The following PRTG variants were observed in gnomAD, a reference collection of about 807,000 sequenced individuals.
PRTG encodes the protein protogenin, also known as immunoglobulin superfamily, DCC subclass, member 5.
PRTG carries 67 observed loss-of-function variants against 122.5 expected under a neutral mutation model. That is an observed-to-expected ratio of 0.55 (90% confidence interval 0.45 to 0.67). The LOEUF is 0.67. Ranked by LOEUF, PRTG falls within the 30% of genes least tolerant of loss-of-function variation. PRTG has a pLI of 0.00. For synonymous variants in PRTG, 554 were observed against 501.1 expected (o/e 1.11, Z -1.41); for missense variants, 1,435 against 1,415.4 (o/e 1.01, Z -0.22).
chr15:55,612,098 CCTCTA>C lies in PRTG; in HGVS notation c.*7909_*7913del, dbSNP rs1037286333. The stretch of plus-strand genomic sequence containing the variant: ...GCAGACACATTTTCTTAACATATGT[CCTCTA>C]CTCTACTGATAGGCTAAGGCAATGT... On this transcript the variant is annotated 3_prime_UTR_variant, in exon 20 of 20. Transcript: ENST00000389286. 1 of 151,940 alleles carries C rather than the reference CCTCTA, an allele frequency of 6.6e-6. No individual in the cohort carries two copies. Among genetic ancestry groups the C allele is most frequent in the African/African-American group, 2.4e-5 (1 of 41,400 alleles). 9.4% of individuals were successfully genotyped at this position (151,940 alleles called of 1,614,324 possible).
At chr15:55,692,322 A>G (rs1279854969) in intron 2 of PRTG, among the ~76,000 whole-genome samples, 1 of 152,162 alleles carries the variant, frequency 6.6e-6, no homozygotes, top group East Asian at 1.9e-4. Flanking sequence ...GAGATCTGCT[A>G]TGGGTTTTAA....
chr15:55,708,744 T>C (rs550709981), intron 2 of PRTG, among the ~76,000 whole-genome samples: 1 of 152,314 alleles, frequency 6.6e-6, no homozygotes, highest in South Asian at 2.1e-4. Flanking sequence ...ACTATACTAC[T>C]AAACAGGCTT....
At position 55,615,900 on chromosome 15, in the gene PRTG, C is replaced by G. The variant is rs1437595638; in HGVS notation, c.*4112G>C. ...CGATCTGAATTGTTTTCAAAGGTGT[C>G]TGCATAAGAACTTGAACAATGATCC... On this transcript the variant is annotated 3_prime_UTR_variant, in exon 20 of 20. Coordinates refer to ENST00000389286, the MANE Select transcript of PRTG (RefSeq NM_173814.6). 6.6e-6 allele frequency: 1 copy of G among 152,092 alleles called. No homozygotes were observed. Among genetic ancestry groups the G allele is most frequent in the East Asian group, 1.9e-4 (1 of 5,196 alleles). 9.4% of individuals were successfully genotyped at this position (152,092 alleles called of 1,614,324 possible).
chr15:55,691,776 C>T (rs2059603959), intron 2 of PRTG, among the ~76,000 whole-genome samples: 2 of 151,580 alleles, frequency 1.3e-5, no homozygotes, highest in South Asian at 4.2e-4. Flanking sequence ...AAAACTATGG[C>T]TCTCATCTCA....
rs2059125551 is a variant in PRTG, at chr15:55,612,697, A to ATATATATATATATATATATATATATGT, written c.*7314_*7315insACATATATATATATATATATATATATA. ...TTCTCTCTTTAACTCTTTAAAAGCC[A>ATATATATATATATATATATATATATGT]ATATATATATATATATATATATATA... On this transcript the variant is annotated 3_prime_UTR_variant, in exon 20 of 20. Coordinates refer to ENST00000389286, the MANE Select transcript of PRTG (RefSeq NM_173814.6). 5.8e-5 allele frequency: 7 copies of ATATATATATATATATATATATATATGT among 120,756 alleles called. No homozygotes were observed. The highest frequency in any genetic ancestry group is 3.3e-4 in the African/African-American group (7 of 21,396). 7.5% of individuals were successfully genotyped at this position (120,756 alleles called of 1,614,324 possible).
chr15:55,732,194 G>C (rs1408962567), intron 2 of PRTG, among the ~76,000 whole-genome samples: 1 of 152,072 alleles, frequency 6.6e-6, no homozygotes, highest in Non-Finnish European at 1.5e-5. Context: ...AGATTTGTTT[G>C]TTTTTGTTTT....
chr15:55,665,597 G>C (rs2059435368), intron 11 of PRTG, among the ~76,000 whole-genome samples: 1 of 149,500 alleles, frequency 6.7e-6, no homozygotes, highest in South Asian at 2.1e-4. Context: ...CCAGGTTGGA[G>C]TGCAGTGGCA....
In PRTG at chr15:55,743,137, C is replaced by T. The variant is rs1418597743; in HGVS notation, c.-206G>A. 9 of 1,248,552 alleles carry T rather than the reference C, an allele frequency of 7.2e-6. No homozygotes were observed. In the Admixed American group the frequency reaches 3.5e-4, roughly 48 times the overall value. 77.3% of individuals were successfully genotyped at this position (1,248,552 alleles called of 1,614,324 possible). A position where few individuals can be genotyped will look rare whatever the true frequency, so the allele number is the denominator to read the frequency against. ...GCGAGAAGCAAGGGGCCTGAGAGTC[C>T]GGCTGGGGGCGGAGTGAGGCGGCGG... On this transcript the variant is annotated 5_prime_UTR_variant, in exon 1 of 20. Coordinates refer to ENST00000389286, the MANE Select transcript of PRTG (RefSeq NM_173814.6).
chr15:55,709,674 T>A (rs958778134), intron 2 of PRTG, among the ~76,000 whole-genome samples: 2 of 152,180 alleles, frequency 1.3e-5, no homozygotes, highest in African/African-American at 4.8e-5. Context: ...ATCAGTGGTA[T>A]ATCCATTCAA....
At chr15:55,681,348 T>C (rs1464545554) in intron 4 of PRTG, 1 of 152,102 alleles carries the variant, frequency 6.6e-6, no homozygotes, top group Non-Finnish European at 1.5e-5. Flanking sequence ...CCAGTATCTC[T>C]TGTGAAGAAT....
chr15:55,650,709 A>C (rs376271837), intron 11 of PRTG, among the ~76,000 whole-genome samples: 2 of 152,258 alleles, frequency 1.3e-5, no homozygotes, highest in South Asian at 2.1e-4. Flanking sequence ...TCATGCTTGT[A>C]ATCCCAGCAC....
chr15:55,729,214 C>T (rs750975112), intron 2 of PRTG, among the ~76,000 whole-genome samples: 5 of 152,268 alleles, frequency 3.3e-5, no homozygotes, highest in African/African-American at 4.8e-5. Flanking sequence ...TACTGATACA[C>T]GCCACAACGT....
At chr15:55,667,569 G>A (rs1220213688) in intron 11 of PRTG, among the ~76,000 whole-genome samples, 3 of 151,920 alleles carry the variant, frequency 2.0e-5, no homozygotes, top group African/African-American at 7.3e-5. Context: ...ACATATTTTG[G>A]CATAATAATA....
At chr15:55,672,147 C>A (rs2059475587) in intron 11 of PRTG, among the ~76,000 whole-genome samples, 1 of 152,132 alleles carries the variant, frequency 6.6e-6, no homozygotes, top group African/African-American at 2.4e-5. Flanking sequence ...CACACACTCA[C>A]AATAATTGAT....
intron 15 of PRTG, among the ~76,000 whole-genome samples, chr15:55,630,249 G>A (rs897311889): frequency 6.6e-6 from 1 of 152,126 alleles, no homozygotes; most frequent in African/African-American, 2.4e-5. Context: ...GCCTCCCAAA[G>A]TGATGGGATT....
At position 55,677,879 on chromosome 15, in the gene PRTG, T is replaced by C; in HGVS notation, c.1299A>G (p.Ser433=). 5 of 1,613,012 alleles carry C rather than the reference T, an allele frequency of 3.1e-6. No homozygotes were observed. In the South Asian group the frequency reaches 4.4e-5, roughly 14 times the overall value. ...GCCTCTCCCAGGCTAAAAGAATGGC[T>C]GAGCTTGACATGGTTTCAGCATGTA... ...YNVHAETMSS[S]AILLAWERPL... is the part of the protein sequence containing the mutation. Residue 433 remains serine, a synonymous_variant, in exon 8 of 20, where the codon TCA becomes TCG. Transcript: ENST00000389286.
chr15:55,709,382 T>C (rs1210130170), intron 2 of PRTG, among the ~76,000 whole-genome samples: 2 of 147,246 alleles, frequency 1.4e-5, no homozygotes, highest in African/African-American at 2.5e-5. Context: ...ATACAATATA[T>C]ATATATAGAG....
chr15:55,624,238 T>A, intron 18 of PRTG, 104 bp downstream of exon 18: 1 of 917,244 alleles, frequency 1.1e-6, no homozygotes, highest in Non-Finnish European at 1.7e-6. Context: ...ATAAGAGTAT[T>A]GGTATAATAC....
intron 2 of PRTG, among the ~76,000 whole-genome samples, chr15:55,711,214 G>A (rs987989111): frequency 7.3e-5 from 11 of 151,598 alleles, no homozygotes; most frequent in South Asian, 2.1e-4. Context: ...GAGCCACTGC[G>A]TCCGGCCTAA....
Sources: gnomAD v4.1 joint callset for allele counts (sites outside exome capture counted in the v4.1 genomes callset) on GRCh38, gnomAD v4.1.1 for gene constraint, MANE v1.5 for transcripts, NCBI Gene and HGNC (gene_info 2026-07-23, HGNC 2026-07-21) for gene names.